Variants in SAMSN1 observed in about 807,000 individuals in gnomAD.
The protein encoded by SAMSN1 is SAM domain, SH3 domain and nuclear localization signals 1, also known as SAM domain-containing protein SAMSN-1.
In SAMSN1, 31 loss-of-function variants were observed where a neutral mutation model predicts 42.0. That is an observed-to-expected ratio of 0.74 (90% CI 0.55 to 1.00). The LOEUF (loss-of-function observed/expected upper bound fraction) is 1.00, where lower values mean the gene tolerates loss of function less well. Among genes scored for constraint, SAMSN1 ranks in the 50% least tolerant of loss-of-function variants. The pLI, the probability that SAMSN1 is intolerant of heterozygous loss-of-function variation, is 0.00. For synonymous variants in SAMSN1, 178 were observed against 151.9 expected (o/e 1.17, Z -1.26); for missense variants, 464 against 439.4 (o/e 1.06, Z -0.50).
At position 14,644,395 on chromosome 21, in the gene SAMSN1, G is replaced by C. The variant is rs9808788; in HGVS notation, c.25-1262C>G. Among the ~76,000 whole-genome samples, 1,449 of 152,154 alleles carry C rather than the reference G, an allele frequency of 9.5e-3. 30 individuals are homozygous for C. The highest frequency in any genetic ancestry group is 0.033 in the African/African-American group (1,371 of 41,504). On this transcript the variant is annotated intron_variant, in intron 1 of 15. Transcript: ENST00000647101. The stretch of plus-strand genomic sequence containing the variant: ...CCCCCCTTCCGGGCCCTAGCTCCCA[G>C]ATGACATTTCTAGGCAACCTTGGGC...
chr21:14,592,637 A>G (rs1003238326), intron 7 of SAMSN1: 22 of 384,592 alleles, frequency 5.7e-5, no homozygotes, highest in African/African-American at 4.5e-4. Context: ...TAAATTCTTG[A>G]GCCTTAGAAA....
intron 2 of SAMSN1, among the ~76,000 whole-genome samples, chr21:14,574,273 C>G (rs531736747): frequency 6.6e-6 from 1 of 152,250 alleles, no homozygotes; most frequent in Admixed American, 6.5e-5. Flanking sequence ...TTGTGAAAGC[C>G]AAAATGTAGT....
chr21:14,506,936 C>T (rs1295830958), intron 5 of SAMSN1, among the ~76,000 whole-genome samples: 1 of 152,104 alleles, frequency 6.6e-6, no homozygotes, highest in Non-Finnish European at 1.5e-5. Flanking sequence ...GAATTAAAAA[C>T]AAAAATCACA....
intron 2 of SAMSN1, among the ~76,000 whole-genome samples, chr21:14,569,737 G>A (rs1981232650): frequency 6.6e-6 from 1 of 152,144 alleles, no homozygotes; most frequent in African/African-American, 2.4e-5. Flanking sequence ...ATCATTAACT[G>A]CTACAACTAC....
intron 1 of SAMSN1, among the ~76,000 whole-genome samples, chr21:14,521,658 T>C (rs1442765726): frequency 1.3e-5 from 2 of 151,920 alleles, no homozygotes; most frequent in Admixed American, 1.3e-4. Context: ...TCTGAGTAGA[T>C]CCACCATTAC....
intron 2 of SAMSN1, among the ~76,000 whole-genome samples, chr21:14,569,225 A>T (rs749019678): frequency 2.6e-5 from 4 of 152,036 alleles, no homozygotes; most frequent in Non-Finnish European, 5.9e-5. Context: ...AGCCCAGAAG[A>T]TAGAGGCTGC....
At chr21:14,601,487 A>G (rs771265332) in intron 6 of SAMSN1, among the ~76,000 whole-genome samples, 7 of 152,214 alleles carry the variant, frequency 4.6e-5, no homozygotes, top group Non-Finnish European at 7.3e-5. Context: ...TGGCTGTCAG[A>G]GAAAATATCA....
intron 6 of SAMSN1, among the ~76,000 whole-genome samples, chr21:14,597,609 G>A (rs549646692): frequency 4.6e-5 from 7 of 152,260 alleles, no homozygotes; most frequent in South Asian, 4.1e-4. Flanking sequence ...TTAAAAATAA[G>A]GTATCAGAAA....
chr21:14,640,819 T>C (rs1020995423), intron 2 of SAMSN1, among the ~76,000 whole-genome samples: 8 of 152,136 alleles, frequency 5.3e-5, no homozygotes, highest in African/African-American at 1.9e-4. Flanking sequence ...CCTGTATACA[T>C]ACATACATGT....
upstream of SAMSN1, among the ~76,000 whole-genome samples, chr21:14,549,262 T>C (rs1980522727): frequency 6.6e-6 from 1 of 152,158 alleles, no homozygotes; most frequent in Non-Finnish European, 1.5e-5. Context: ...TCTGAGACAT[T>C]GAGGATCTCC....
At chr21:14,588,355 T>A (rs1981986715), upstream of SAMSN1, among the ~76,000 whole-genome samples, 2 of 137,008 alleles carry the variant, frequency 1.5e-5, no homozygotes, top group Admixed American at 8.0e-5. Context: ...TAGTTTACAG[T>A]CCCACCAACA....
chr21:14,488,641 A>G (rs1986544433), intron 7 of SAMSN1, among the ~76,000 whole-genome samples: 1 of 152,192 alleles, frequency 6.6e-6, no homozygotes, highest in Non-Finnish European at 1.5e-5. Context: ...GAAATGCTAT[A>G]TCATGTTCTC....
chr21:14,572,576 C>T (rs1167074168), intron 2 of SAMSN1, among the ~76,000 whole-genome samples: 1 of 152,196 alleles, frequency 6.6e-6, no homozygotes, highest in Non-Finnish European at 1.5e-5. Flanking sequence ...AGGTAATTCA[C>T]TTAATCTTCA....
At chr21:14,587,770 A>ATTTTTTT (rs1981965381), upstream of SAMSN1, among the ~76,000 whole-genome samples, 4 of 150,948 alleles carry the variant, frequency 2.6e-5, no homozygotes, top group South Asian at 2.1e-4. Context: ...TTTATTTTTT[A>ATTTTTTT]AATTTTTTTT....
At chr21:14,656,086 C>A (rs1243334938) in intron 1 of SAMSN1, among the ~76,000 whole-genome samples, 1 of 151,730 alleles carries the variant, frequency 6.6e-6, no homozygotes, top group Non-Finnish European at 1.5e-5. Flanking sequence ...AAAGAGTTAT[C>A]TATGTTTGTG....
intron 2 of SAMSN1, among the ~76,000 whole-genome samples, chr21:14,641,476 A>C (rs1467381886): frequency 6.6e-6 from 1 of 152,202 alleles, no homozygotes; most frequent in East Asian, 1.9e-4. Context: ...AAAGCACAAA[A>C]GATCTGAGTT....
upstream of SAMSN1, among the ~76,000 whole-genome samples, chr21:14,586,014 C>T (rs1425590132): frequency 6.6e-6 from 1 of 151,866 alleles, no homozygotes; most frequent in East Asian, 1.9e-4. Flanking sequence ...CCTGTAATCC[C>T]AGCACTTTGG....
chr21:14,558,705 A>C (rs1486288941), intron 2 of SAMSN1, among the ~76,000 whole-genome samples: 3 of 151,970 alleles, frequency 2.0e-5, no homozygotes, highest in Non-Finnish European at 4.4e-5. Context: ...CAAAAACAAC[A>C]ACAACAACAA....
chr21:14,606,368 G>A (rs1310408080), intron 5 of SAMSN1, among the ~76,000 whole-genome samples: 1 of 151,946 alleles, frequency 6.6e-6, no homozygotes, highest in African/African-American at 2.4e-5. Flanking sequence ...TTTTTTAAAT[G>A]TTGATTTATT....
Sources: allele counts gnomAD v4.1 joint callset (sites outside exome capture counted in the v4.1 genomes callset), GRCh38; gene constraint gnomAD v4.1.1; transcripts MANE v1.5; gene names NCBI Gene and HGNC (gene_info 2026-07-23, HGNC 2026-07-21).